KCNQ5: variants seen among roughly 807,000 people sequenced by gnomAD.
KCNQ5 encodes potassium voltage-gated channel subfamily KQT member 5.
A neutral mutation model predicts 98.2 loss-of-function variants in KCNQ5; 30 were observed. The observed-to-expected ratio is 0.31, with a 90% CI of 0.23 to 0.41. The LOEUF (loss-of-function observed/expected upper bound fraction) is 0.41. KCNQ5 is among the 10% of genes least tolerant of loss of function. The pLI is 1.00. For missense variants in KCNQ5, 835 were observed against 1,182.5 expected (o/e 0.71, Z 4.31); for synonymous variants, 458 against 449.4 (o/e 1.02, Z -0.24).
At chr6:72,860,205 C>T (rs191673752) in intron 1 of KCNQ5, among the ~76,000 whole-genome samples, 2 of 152,278 alleles carry the variant, frequency 1.3e-5, no homozygotes, top group Admixed American at 1.3e-4. Context: ...GACACTTCTC[C>T]AGCCCTATTT....
chr6:72,735,017 G>A (rs1339302368), intron 1 of KCNQ5, among the ~76,000 whole-genome samples: 1 of 152,084 alleles, frequency 6.6e-6, no homozygotes, highest in Non-Finnish European at 1.5e-5. Flanking sequence ...CTTCTACATT[G>A]GCACAAGAGG....
At chr6:72,838,068 A>G (rs1009703867) in intron 1 of KCNQ5, among the ~76,000 whole-genome samples, 3 of 150,452 alleles carry the variant, frequency 2.0e-5, no homozygotes, top group Admixed American at 6.6e-5. Flanking sequence ...TCTTCATTTA[A>G]CATTAGGTAT....
chr6:72,658,578 A>ATATATATAT (rs1226386362), intron 1 of KCNQ5, among the ~76,000 whole-genome samples: 9 of 76,372 alleles, frequency 1.2e-4, no homozygotes, highest in African/African-American at 3.9e-4. Flanking sequence ...ATATATATAT[A>ATATATATAT]TTTTTTTTTT....
At chr6:72,937,921 T>A (rs1766021853) in intron 1 of KCNQ5, among the ~76,000 whole-genome samples, 1 of 152,208 alleles carries the variant, frequency 6.6e-6, no homozygotes, top group African/African-American at 2.4e-5. Context: ...GAGTTAATAC[T>A]GGCTATGTAG....
rs146053372 is a variant in KCNQ5 at position 72,980,470 on chromosome 6, C to T, written c.399-23438C>T. On this transcript the variant is annotated intron_variant, in intron 1 of 13. Coordinates refer to ENST00000370398, the MANE Select transcript of KCNQ5 (RefSeq NM_019842.4). ...ATGGGAGTTCACTCATGATTTGGCT[C>T]TGTTTGTCTGTTATTGGTGTATAGG... Among the ~76,000 whole-genome samples, 579 of 152,190 alleles carry T rather than the reference C, an allele frequency of 3.8e-3. 5 individuals are homozygous for T. The highest frequency in any genetic ancestry group is 5.8e-3 in the Non-Finnish European group (394 of 68,014).
At chr6:73,142,258 G>A (rs141509633) in intron 10 of KCNQ5, among the ~76,000 whole-genome samples, 1 of 152,116 alleles carries the variant, frequency 6.6e-6, no homozygotes, top group Non-Finnish European at 1.5e-5. Flanking sequence ...ATACAGGGGG[G>A]TAATACCAGG....
chr6:73,140,285 G>A (rs575111342), intron 10 of KCNQ5, among the ~76,000 whole-genome samples: 15 of 152,226 alleles, frequency 9.9e-5, no homozygotes, highest in East Asian at 9.6e-4. Flanking sequence ...CCTCCCTCAT[G>A]TTTTTCTCAG....
intron 1 of KCNQ5, among the ~76,000 whole-genome samples, chr6:72,629,316 T>C (rs1230001373): frequency 2.0e-5 from 3 of 152,242 alleles, no homozygotes; most frequent in Non-Finnish European, 4.4e-5. Flanking sequence ...AAAAAATCAC[T>C]GATTTCTCTT....
At chr6:72,689,911 G>A (rs912070122) in intron 1 of KCNQ5, among the ~76,000 whole-genome samples, 2 of 151,904 alleles carry the variant, frequency 1.3e-5, no homozygotes, top group East Asian at 3.9e-4. Context: ...AGTTATTTAA[G>A]AGTTACTTAA....
intron 11 of KCNQ5, among the ~76,000 whole-genome samples, chr6:73,171,923 T>C (rs989056242): frequency 2.0e-5 from 3 of 152,236 alleles, no homozygotes; most frequent in Admixed American, 1.3e-4. Flanking sequence ...AGCTTTCTGC[T>C]TTTGCTTTAC....
chr6:72,899,986 C>T (rs372714668), intron 1 of KCNQ5, among the ~76,000 whole-genome samples: 2 of 152,084 alleles, frequency 1.3e-5, no homozygotes, highest in Admixed American at 1.3e-4. Context: ...TCTGGGTGTG[C>T]ACCACCACGC....
chr6:72,960,586 T>C (rs971432069), intron 1 of KCNQ5, among the ~76,000 whole-genome samples: 4 of 152,032 alleles, frequency 2.6e-5, no homozygotes, highest in African/African-American at 9.7e-5. Context: ...CCCACCACCA[T>C]ACCTGGCTAA....
At chr6:73,179,508 A>T (rs977710865) in intron 11 of KCNQ5, among the ~76,000 whole-genome samples, 4 of 152,204 alleles carry the variant, frequency 2.6e-5, no homozygotes, top group African/African-American at 9.7e-5. Context: ...CTGCCACATT[A>T]GGCATAAAAT....
At chr6:72,819,766 T>A (rs1775669300) in intron 1 of KCNQ5, among the ~76,000 whole-genome samples, 1 of 152,148 alleles carries the variant, frequency 6.6e-6, no homozygotes, top group African/African-American at 2.4e-5. Context: ...TCACCTATCA[T>A]GTTTTGCCAT....
chr6:72,738,576 C>T (rs552385557), intron 1 of KCNQ5, among the ~76,000 whole-genome samples: 4 of 151,962 alleles, frequency 2.6e-5, no homozygotes, highest in Admixed American at 6.6e-5. Context: ...TGATTTATGA[C>T]GTTATTTTCC....
intron 11 of KCNQ5, among the ~76,000 whole-genome samples, chr6:73,186,232 A>G (rs1778566900): frequency 1.3e-5 from 2 of 152,148 alleles, no homozygotes; most frequent in Admixed American, 6.5e-5. Context: ...GTCTCAAAAA[A>G]AAAAAAGAGA....
chr6:72,743,404 A>G (rs772592165), intron 1 of KCNQ5, among the ~76,000 whole-genome samples: 12 of 152,068 alleles, frequency 7.9e-5, no homozygotes, highest in Non-Finnish European at 1.6e-4. Flanking sequence ...GATTTAAGCT[A>G]ACATTACCAA....
rs570875822 is a variant in KCNQ5, at chr6:72,833,557, A to G, written c.399-170351A>G. ...ATTTTTACTGGGATGACATTTTGTAAATATGTGTGGGTATCTTTAGAATGC... is the reference window on the plus strand; with the variant it reads ...ATTTTTACTGGGATGACATTTTGTAGATATGTGTGGGTATCTTTAGAATGC... On this transcript the variant is annotated intron_variant, in intron 1 of 13. Transcript: ENST00000370398. 3.1e-4 allele frequency among the ~76,000 whole-genome samples: 47 copies of G among 152,312 alleles called. No homozygotes were observed. The South Asian group carries it at 8.7e-3, about 28-fold the overall frequency.
At chr6:73,007,685 C>T (rs1226418528) in intron 2 of KCNQ5, among the ~76,000 whole-genome samples, 1 of 152,184 alleles carries the variant, frequency 6.6e-6, no homozygotes, top group African/African-American at 2.4e-5. Context: ...GACCTGAACA[C>T]AGCTTATAAG....
Sources: gnomAD v4.1 joint callset for allele counts (sites outside exome capture counted in the v4.1 genomes callset) on GRCh38, gnomAD v4.1.1 for gene constraint, MANE v1.5 for transcripts, NCBI Gene and HGNC (gene_info 2026-07-23, HGNC 2026-07-21) for gene names.